The following SIN3B variants were observed in gnomAD, a reference collection of about 807,000 sequenced individuals.
The protein encoded by SIN3B is SIN3 transcription regulator family member B, also known as paired amphipathic helix protein Sin3b.
Under a neutral mutation model 120.2 loss-of-function variants are expected in SIN3B, and 19 were observed. That is an observed-to-expected ratio of 0.16 (90% CI 0.11 to 0.23). The LOEUF (loss-of-function observed/expected upper bound fraction) is 0.23. Among genes scored for constraint, SIN3B ranks in the 10% least tolerant of loss-of-function variants. The pLI is 1.00. For missense variants in SIN3B, 1,073 were observed against 1,573.0 expected, an observed-to-expected ratio of 0.68 and a Z score of 5.38; for synonymous variants, 654 against 653.2, an observed-to-expected ratio of 1.00 and a Z score of -0.02.
rs138346712 is a variant in SIN3B, at chr19:16,866,553, C to T, written c.1803C>T (p.Asp601=). 2,751 of 1,613,586 alleles carry T rather than the reference C, an allele frequency of 1.7e-3. 8 individuals carry two copies. Among genetic ancestry groups the T allele is most frequent in the Middle Eastern group, 5.4e-3 (33 of 6,062 alleles). ...TCAACGAGATCGAGAGCGTCTACGA[C>T]GAGGTAAAGCCTTCCCTAGCCCTGC... The part of the protein sequence containing the change: ...SLLNEIESVY[D]EHQEQHSEGR... Residue 601 remains aspartate, a synonymous_variant, in exon 12 of 19, where the codon GAC becomes GAT. Transcript: ENST00000248054.
At chr19:16,849,734 C>G (rs1971521397) in intron 5 of SIN3B, among the ~76,000 whole-genome samples, 1 of 152,164 alleles carries the variant, frequency 6.6e-6, no homozygotes, top group Non-Finnish European at 1.5e-5. Flanking sequence ...TGTTCTTGTT[C>G]AGCATTTGTC....
At position 16,877,526 on chromosome 19, in the gene SIN3B, T is replaced by A; in HGVS notation, c.2860-19T>A. Reference sequence around the variant, plus strand: ...CCTGCTGTAGGGGCATCACGGGCTGTGTCTCTCCCTGTCCCCAGCACCTGG... The same window carrying A: ...CCTGCTGTAGGGGCATCACGGGCTGAGTCTCTCCCTGTCCCCAGCACCTGG... On this transcript the variant is annotated intron_variant, in intron 16 of 18. Transcript: ENST00000248054. The A allele has an allele frequency of 6.3e-7, 1 of 1,578,472 alleles. No individual in the cohort carries two copies. Among genetic ancestry groups the A allele is most frequent in the Admixed American group, 1.8e-5 (1 of 56,324 alleles).
At chr19:16,846,916 G>C in intron 4 of SIN3B, 54 bp from the exon 5 acceptor site, 1 of 1,579,252 alleles carries the variant, frequency 6.3e-7, no homozygotes, top group Non-Finnish European at 8.6e-7. Flanking sequence ...TCCCGGCCCA[G>C]GGCACAGCAC....
chr19:16,856,119 A>C (rs1971611380), intron 8 of SIN3B, among the ~76,000 whole-genome samples: 1 of 152,236 alleles, frequency 6.6e-6, no homozygotes, highest in Non-Finnish European at 1.5e-5. Context: ...TTAGCAGGTC[A>C]GGTCTAAGAG....
intron 8 of SIN3B, among the ~76,000 whole-genome samples, chr19:16,855,931 C>T (rs1160409047): frequency 2.6e-5 from 4 of 151,920 alleles, no homozygotes; most frequent in Non-Finnish European, 5.9e-5. Flanking sequence ...GTGGCACACG[C>T]CTGTTGTCCC....
chr19:16,865,234 C>A (rs958083161), intron 10 of SIN3B, 176 bp from the exon 11 acceptor site: 5 of 586,168 alleles, frequency 8.5e-6, no homozygotes, highest in Non-Finnish European at 1.2e-5. Context: ...GTTGAGGCTG[C>A]AGTGAGCTTT....
chr19:16,866,334 C>G (rs779026071), intron 11 of SIN3B, 39 bp from the exon 12 acceptor site: 4 of 1,577,394 alleles, frequency 2.5e-6, no homozygotes, highest in Non-Finnish European at 3.4e-6. Flanking sequence ...GGAGGATGCC[C>G]TGGCTTGTCC....
intron 4 of SIN3B, among the ~76,000 whole-genome samples, chr19:16,845,556 A>T (rs1348672518): frequency 6.6e-6 from 1 of 152,102 alleles, no homozygotes; most frequent in East Asian, 1.9e-4. Context: ...TACAGGCCTG[A>T]GCTACCGCAC....
At position 16,869,620 on chromosome 19, in the gene SIN3B, A is replaced by G; in HGVS notation, c.1967A>G (p.His656Arg). Residue 656 changes from histidine (H) to arginine (R), a missense_variant, in exon 13 of 19, where the codon CAC becomes CGC. His to Arg is a conservative substitution (Grantham distance 29). Coordinates refer to ENST00000248054, the MANE Select transcript of SIN3B (RefSeq NM_001297595.2). ...CAGAAGGAGGACCAGGGCACCATCC[A>G]CCAGCTGCTGCACCAGTTCGTGCCC... ...AIQKEDQGTI[H>R]QLLHQFVPSL... 6.2e-7 allele frequency: 1 copy of G among 1,613,456 alleles called. No homozygotes were observed. The highest frequency in any genetic ancestry group is 1.1e-5 in the South Asian group (1 of 91,082).
intron 12 of SIN3B, among the ~76,000 whole-genome samples, chr19:16,867,486 A>T (rs897440934): frequency 1.3e-5 from 2 of 152,100 alleles, no homozygotes; most frequent in African/African-American, 4.8e-5. Context: ...GAAGCTTGGC[A>T]GGGTGCCGGG....
intron 8 of SIN3B, chr19:16,855,708 G>A (rs2144600778): frequency 6.6e-6 from 1 of 152,288 alleles, no homozygotes; most frequent in African/African-American, 2.4e-5. Flanking sequence ...GTGGCGACAA[G>A]AGCAAGACTT....
At chr19:16,841,998 GT>G in intron 4 of SIN3B, 30 bp downstream of exon 4, 2 of 1,583,946 alleles carry the variant, frequency 1.3e-6, no homozygotes, top group African/African-American at 1.3e-5. Flanking sequence ...TTCCTTGTGG[GT>G]TTTGGATTTC....
In SIN3B at chr19:16,865,587, C is replaced by T. The variant is rs1971758483; in HGVS notation, c.1561C>T (p.Pro521Ser). The change falls in exon 11 of 19, where the codon CCG (proline) becomes TCG (serine). Residue 521 changes from proline (P) to serine (S), a missense_variant. Transcript: ENST00000248054. ...AIYRIYGDKA[P>S]EIIESLKKNP... The stretch of plus-strand genomic sequence containing the variant: ...TTATCGCATCTATGGCGACAAGGCC[C>T]CGGAGATCATCGAGAGCCTCAAGAA... 2 of 1,612,946 alleles carry T rather than the reference C, an allele frequency of 1.2e-6. No homozygotes were observed. Among genetic ancestry groups the T allele is most frequent in the African/African-American group, 2.7e-5 (2 of 74,834 alleles).
chr19:16,876,010 C>T lies in SIN3B; in HGVS notation c.2593-45C>T. 6.6e-7 allele frequency: 1 copy of T among 1,518,994 alleles called. No homozygotes were observed. The highest frequency in any genetic ancestry group is 8.8e-7 in the Non-Finnish European group (1 of 1,131,222). The allele number at this position is 1,518,994 out of a possible 1,614,324, so 94.1% of individuals were successfully genotyped here. On this transcript the variant is annotated intron_variant, in intron 14 of 18. Coordinates refer to ENST00000248054, the MANE Select transcript of SIN3B (RefSeq NM_001297595.2). The surrounding 1 kb of genome is among the most constrained non-coding windows in gnomAD (Gnocchi z 7.1). ...TCCTCTGTGGGTGAGGTGGGGACTC[C>T]CGCAGGAGGCGGGGTGGCCGCACCA...
At chr19:16,867,774 C>T (rs535429513) in intron 12 of SIN3B, among the ~76,000 whole-genome samples, 1 of 152,266 alleles carries the variant, frequency 6.6e-6, no homozygotes, top group African/African-American at 2.4e-5. Flanking sequence ...ACTGTGGGGA[C>T]CCCCTTCCCT....
At chr19:16,870,151 C>T in intron 13 of SIN3B, 76 bp downstream of exon 13, 1 of 1,338,692 alleles carries the variant, frequency 7.5e-7, no homozygotes, top group South Asian at 1.5e-5. Flanking sequence ...TCTGACATGT[C>T]CTGTTACTTT....
chr19:16,831,036 G>A (rs1971271614), intron 2 of SIN3B, among the ~76,000 whole-genome samples: 1 of 151,900 alleles, frequency 6.6e-6, no homozygotes, highest in South Asian at 2.1e-4. Flanking sequence ...GATAGGTCAT[G>A]GTGTACAGAT....
rs1213483828 is a variant in SIN3B, at chr19:16,869,914, G to A, written c.2261G>A (p.Arg754His). 2 of 1,614,122 alleles carry A rather than the reference G, an allele frequency of 1.2e-6. No individual in the cohort carries two copies. The highest frequency in any genetic ancestry group is 2.2e-5 in the East Asian group (1 of 44,898). Residue 754 changes from arginine to histidine, a missense_variant, in exon 13 of 19, where the codon CGC (arginine) becomes CAC (histidine). Physicochemically the swap from Arg to His is conservative, Grantham distance 29. Transcript: ENST00000248054. The stretch of plus-strand genomic sequence containing the variant: ...AACAACAACTGGTACTTCTTCCTGC[G>A]CCTGCACCAGACCCTGTGCTCCAGG... ...FANNNWYFFL[R>H]LHQTLCSRLL...
At chr19:16,875,703 CGGTCT>C (rs1009837191) in intron 14 of SIN3B, among the ~76,000 whole-genome samples, 2 of 108,146 alleles carry the variant, frequency 1.8e-5, no homozygotes, top group South Asian at 3.2e-4. Context: ...CTGGTCGGTT[CGGTCT>C]GGTCTGGTCT....
Sources: gnomAD v4.1 joint callset for allele counts (sites outside exome capture counted in the v4.1 genomes callset) on GRCh38, gnomAD v4.1.1 for gene constraint, Gnocchi (gnomAD v3.1) non-coding constraint, MANE v1.5 for transcripts, NCBI Gene and HGNC (gene_info 2026-07-23, HGNC 2026-07-21) for gene names.